The following SUGCT variants were observed in gnomAD, a reference collection of about 807,000 sequenced individuals.
The protein encoded by SUGCT is succinyl-CoA:glutarate CoA-transferase.
SUGCT carries 41 observed loss-of-function variants against 55.0 expected under a neutral mutation model. The ratio of observed to expected loss-of-function variants is 0.74; its 90% CI spans 0.58 to 0.97. The LOEUF (loss-of-function observed/expected upper bound fraction) is 0.97. SUGCT is among the 50% of genes least tolerant of loss of function. The pLI is 0.00. For synonymous variants in SUGCT, 187 were observed against 200.4 expected, an observed-to-expected ratio of 0.93 and a Z score of 0.56; for missense variants, 568 against 547.8, an observed-to-expected ratio of 1.04 and a Z score of -0.37.
chr7:40,737,917 T>A (rs1255961165), intron 12 of SUGCT, among the ~76,000 whole-genome samples: 2 of 145,380 alleles, frequency 1.4e-5, no homozygotes, highest in African/African-American at 2.6e-5. Flanking sequence ...AGAGTAAAAC[T>A]CCGTCTCAAA....
chr7:40,365,908 A>G (rs1001275174), intron 9 of SUGCT, among the ~76,000 whole-genome samples: 2 of 152,210 alleles, frequency 1.3e-5, no homozygotes, highest in Non-Finnish European at 2.9e-5. Context: ...AATTGGAAAA[A>G]ACTACTTTAA....
At chr7:40,969,202 A>C in the SUGCT span, among the ~76,000 whole-genome samples, 1 of 152,194 alleles carries the variant, frequency 6.6e-6, no homozygotes, top group South Asian at 2.1e-4. Flanking sequence ...ATCAGTCCTC[A>C]TGTTACATGG....
At chr7:40,592,082 A>G (rs1797755762) in intron 12 of SUGCT, among the ~76,000 whole-genome samples, 1 of 152,212 alleles carries the variant, frequency 6.6e-6, no homozygotes, top group African/African-American at 2.4e-5. Flanking sequence ...GAATTTTTTT[A>G]CTGTAGAAAG....
the SUGCT span, among the ~76,000 whole-genome samples, chr7:40,951,561 G>A: frequency 6.6e-6 from 1 of 151,964 alleles, no homozygotes; most frequent in African/African-American, 2.4e-5. Flanking sequence ...GTCAATTTTA[G>A]ATCTTTCCTG....
intron 9 of SUGCT, among the ~76,000 whole-genome samples, chr7:40,438,912 G>A (rs1788317843): frequency 6.6e-6 from 1 of 150,634 alleles, no homozygotes; most frequent in African/African-American, 2.4e-5. Context: ...AATTCACTGA[G>A]GAGTTCCTTT....
chr7:40,657,535 C>T (rs1445315882), intron 12 of SUGCT, among the ~76,000 whole-genome samples: 1 of 151,880 alleles, frequency 6.6e-6, no homozygotes, highest in Non-Finnish European at 1.5e-5. Flanking sequence ...GAGTCCTACT[C>T]TGTTGCCCGG....
At chr7:40,209,925 G>T (rs1787237538) in intron 6 of SUGCT, among the ~76,000 whole-genome samples, 1 of 152,134 alleles carries the variant, frequency 6.6e-6, no homozygotes, top group Non-Finnish European at 1.5e-5. Context: ...CATCTAGAAA[G>T]TTCCATCATG....
intron 1 of SUGCT, among the ~76,000 whole-genome samples, chr7:40,140,233 G>A (rs1327738398): frequency 6.6e-6 from 1 of 152,066 alleles, no homozygotes; most frequent in Non-Finnish European, 1.5e-5. Flanking sequence ...GTGAGATACA[G>A]GGATCCAGTT....
intron 13 of SUGCT, among the ~76,000 whole-genome samples, chr7:40,780,046 C>G (rs907017604): frequency 2.6e-5 from 4 of 152,266 alleles, no homozygotes; most frequent in Middle Eastern, 3.4e-3. Flanking sequence ...TTTACCTAAG[C>G]ATTCTTTAAA....
At chr7:40,943,357 G>T in the SUGCT span, among the ~76,000 whole-genome samples, 1 of 149,600 alleles carries the variant, frequency 6.7e-6, no homozygotes, top group Non-Finnish European at 1.5e-5. Context: ...GTATACATGT[G>T]CCATGCTGGT....
chr7:40,332,702 A>G (rs576204529), intron 9 of SUGCT, among the ~76,000 whole-genome samples: 1 of 152,308 alleles, frequency 6.6e-6, no homozygotes, highest in Admixed American at 6.5e-5. Context: ...AGCAAACATA[A>G]TGGTGCATTG....
At chr7:40,359,594 A>G (rs17171696) in intron 9 of SUGCT, among the ~76,000 whole-genome samples, 15,392 of 152,206 alleles carry the variant, frequency 0.1, 1,161 homozygotes, top group East Asian at 0.45. Flanking sequence ...CCATGATATA[A>G]GAGTAGAGAA....
the SUGCT span, among the ~76,000 whole-genome samples, chr7:40,948,448 G>A: frequency 6.6e-6 from 1 of 151,356 alleles, no homozygotes; most frequent in Non-Finnish European, 1.5e-5. Context: ...TGATGATGAT[G>A]ATGATGATGA....
intron 9 of SUGCT, among the ~76,000 whole-genome samples, chr7:40,435,945 C>CTTTTTTTTT (rs11297778): frequency 2.6e-5 from 3 of 114,586 alleles, no homozygotes; most frequent in Non-Finnish European, 3.6e-5. Flanking sequence ...CTTTTCTTTT[C>CTTTTTTTTT]TTTTTTTTTT....
the SUGCT span, among the ~76,000 whole-genome samples, chr7:40,937,848 A>G: frequency 3.4e-4 from 52 of 152,354 alleles, no homozygotes; most frequent in African/African-American, 1.2e-3. Flanking sequence ...ACCAGGGACC[A>G]GTCCTGTGGA....
At chr7:40,314,559 CTTT>C (rs1292941632) in intron 8 of SUGCT, among the ~76,000 whole-genome samples, 4 of 108,728 alleles carry the variant, frequency 3.7e-5, no homozygotes, top group East Asian at 2.8e-4. Flanking sequence ...TCCCTTGTGT[CTTT>C]TTTTTTTTTT....
chr7:40,405,808 TAAAAAAAAAAAAAAAA>T (rs60966218), intron 9 of SUGCT, among the ~76,000 whole-genome samples: 1 of 90,954 alleles, frequency 1.1e-5, no homozygotes, highest in Non-Finnish European at 2.3e-5. Context: ...AGACTCTGTC[TAAAAAAAAAAAAAAAA>T]AAAAAAGAAA....
chr7:40,617,509 G>T (rs1381474919), intron 12 of SUGCT, among the ~76,000 whole-genome samples: 1 of 149,800 alleles, frequency 6.7e-6, no homozygotes, highest in East Asian at 2.0e-4. Flanking sequence ...GTGTGTGTGT[G>T]TGTGCATGTT....
chr7:40,876,828 G>A, the SUGCT span, among the ~76,000 whole-genome samples: 1 of 152,272 alleles, frequency 6.6e-6, no homozygotes, highest in African/African-American at 2.4e-5. Flanking sequence ...AGAGCCACAG[G>A]TTCCTGCTGT....
Sources: gnomAD v4.1 joint callset for allele counts (sites outside exome capture counted in the v4.1 genomes callset) on GRCh38, gnomAD v4.1.1 for gene constraint, MANE v1.5 for transcripts, NCBI Gene and HGNC (gene_info 2026-07-23, HGNC 2026-07-21) for gene names.